The following PIGN variants were observed in gnomAD, a reference collection of about 807,000 sequenced individuals.
PIGN encodes the protein phosphatidylinositol glycan anchor biosynthesis class N.
Under a neutral mutation model 125.4 loss-of-function variants are expected in PIGN, and 117 were observed. The observed-to-expected ratio is 0.93, with a 90% CI of 0.80 to 1.09. The LOEUF (loss-of-function observed/expected upper bound fraction) is 1.09. Ranked by LOEUF, PIGN falls within the 50% of genes least tolerant of loss-of-function variation. PIGN has a pLI of 0.00. For missense variants in PIGN, 1,075 were observed against 1,094.9 expected, an observed-to-expected ratio of 0.98 and a Z score of 0.26; for synonymous variants, 392 against 377.8, an observed-to-expected ratio of 1.04 and a Z score of -0.44.
At chr18:62,106,749 T>C (rs1169611303) in intron 19 of PIGN, 40 bp downstream of exon 19, 15 of 1,291,550 alleles carry the variant, frequency 1.2e-5, no homozygotes, top group Middle Eastern at 3.7e-4. Context: ...CAAAACAAAG[T>C]AGTTACTAAT....
At chr18:62,023,196 C>T (rs1411970915) in intron 23 of PIGN, among the ~76,000 whole-genome samples, 1 of 152,082 alleles carries the variant, frequency 6.6e-6, no homozygotes, top group Non-Finnish European at 1.5e-5. Context: ...TTTCATCACC[C>T]CTAAAAGAAA....
chr18:62,156,976 AT>A (rs2036759683), intron 6 of PIGN, among the ~76,000 whole-genome samples, 152 bp downstream of exon 6: 1 of 151,918 alleles, frequency 6.6e-6, no homozygotes, highest in African/African-American at 2.4e-5. Context: ...GGAAAAAAAA[AT>A]ACTGTAATTA....
intron 30 of PIGN, among the ~76,000 whole-genome samples, chr18:62,049,099 T>A (rs1281552950): frequency 6.6e-6 from 1 of 151,506 alleles, no homozygotes; most frequent in Non-Finnish European, 1.5e-5. Context: ...ATCCAGTCTA[T>A]CATTGTTGGA....
intron 25 of PIGN, 31 bp downstream of exon 25, chr18:62,088,725 C>A (rs2033823777): frequency 2.4e-6 from 3 of 1,236,676 alleles, no homozygotes; most frequent in Non-Finnish European, 3.5e-6. Context: ...GGAGTTGCAG[C>A]TCTTTAAACC....
At chr18:62,162,659 A>G (rs2036997535) in intron 2 of PIGN, 1 of 152,162 alleles carries the variant, frequency 6.6e-6, no homozygotes, top group African/African-American at 2.4e-5. Flanking sequence ...GATATTCTAC[A>G]AAGTACAAAA....
At chr18:62,081,912 G>A (rs545464687) in intron 28 of PIGN, among the ~76,000 whole-genome samples, 1 of 152,164 alleles carries the variant, frequency 6.6e-6, no homozygotes, top group East Asian at 1.9e-4. Flanking sequence ...GCTAAACCCA[G>A]TTCTAGCTTA....
At chr18:62,144,439 C>T (rs908843358) in intron 10 of PIGN, among the ~76,000 whole-genome samples, 1 of 152,266 alleles carries the variant, frequency 6.6e-6, no homozygotes, top group Admixed American at 6.5e-5. Flanking sequence ...CTCTTGTTTA[C>T]CTCTCCAACT....
chr18:62,076,308 A>G (rs1025157092), intron 28 of PIGN, among the ~76,000 whole-genome samples: 2 of 152,214 alleles, frequency 1.3e-5, no homozygotes, highest in East Asian at 1.9e-4. Flanking sequence ...TGCCATCTGT[A>G]TATCTTCTTC....
At chr18:62,140,308 C>A in intron 12 of PIGN, 112 bp downstream of exon 12, 1 of 505,514 alleles carries the variant, frequency 2.0e-6, no homozygotes, top group Non-Finnish European at 3.6e-6. Flanking sequence ...ATAGCAAGAC[C>A]CCATCTAAAA....
chr18:62,157,204 ACT>A lies in PIGN; in HGVS notation c.365_366del (p.Glu122ValfsTer2). ...TTACTTTCATTAAAAAGAGAATCAA[ACT>A]CTACAGGATTTTCCTTCCATCCTTC... ...VAKGWKENPVEFDSLFNESKY... is the reference protein window; with the variant it reads ...VAKGWKENPVXFDSLFNESKY... On this transcript the variant is annotated frameshift_variant, in exon 6 of 31. Coordinates refer to ENST00000640252, the MANE Select transcript of PIGN (RefSeq NM_176787.5). LOFTEE classifies it high-confidence loss of function. The A allele has an allele frequency of 6.2e-7, 1 of 1,605,642 alleles. No homozygotes were observed. The highest frequency in any genetic ancestry group is 8.5e-7 in the Non-Finnish European group (1 of 1,174,366).
At chr18:62,077,336 G>C (rs1427721416) in intron 28 of PIGN, among the ~76,000 whole-genome samples, 2 of 152,124 alleles carry the variant, frequency 1.3e-5, no homozygotes, top group Admixed American at 6.5e-5. Flanking sequence ...TCACACCACT[G>C]CACTCCAGCC....
chr18:62,064,332 C>T (rs1197607040), intron 30 of PIGN, among the ~76,000 whole-genome samples: 1 of 152,154 alleles, frequency 6.6e-6, no homozygotes, highest in Non-Finnish European at 1.5e-5. Flanking sequence ...ATGTCCCATA[C>T]CAGTTATACA....
At chr18:62,073,968 C>A (rs2033034359) in intron 29 of PIGN, among the ~76,000 whole-genome samples, 1 of 152,130 alleles carries the variant, frequency 6.6e-6, no homozygotes, top group Non-Finnish European at 1.5e-5. Context: ...CAGCTGTATC[C>A]CCAGAAGGGA....
At chr18:62,056,204 A>C (rs558533446) in intron 30 of PIGN, among the ~76,000 whole-genome samples, 4 of 151,658 alleles carry the variant, frequency 2.6e-5, no homozygotes, top group Non-Finnish European at 5.9e-5. Context: ...TACAAAACTA[A>C]AGTAAAACTC....
intron 23 of PIGN, among the ~76,000 whole-genome samples, chr18:62,028,747 T>C (rs760470414): frequency 1.3e-5 from 2 of 152,260 alleles, no homozygotes; most frequent in Non-Finnish European, 2.9e-5. Context: ...AGTTCTGTTT[T>C]CTTAGCTTCT....
At chr18:62,159,145 G>A (rs560301855) in intron 4 of PIGN, among the ~76,000 whole-genome samples, 103 of 152,290 alleles carry the variant, frequency 6.8e-4, no homozygotes, top group Middle Eastern at 3.4e-3. Context: ...TCAGGAGGCT[G>A]AGGCAGGAGA....
At position 62,101,191 on chromosome 18, in the gene PIGN, C is replaced by T. The variant is rs1464043690; in HGVS notation, c.1969-8G>A. On this transcript the variant is annotated splice_polypyrimidine_tract_variant and splice_region_variant and intron_variant, in intron 21 of 30. Coordinates refer to ENST00000640252, the MANE Select transcript of PIGN (RefSeq NM_176787.5). ...GAGCACTGTGCTCAGCACCTAAAGA[C>T]AAAGATGAAATAGGTTAAAAAAAGA... 3.3e-6 allele frequency: 5 copies of T among 1,497,350 alleles called. No individual in the cohort carries two copies. Among genetic ancestry groups the T allele is most frequent in the Non-Finnish European group, 4.6e-6 (5 of 1,078,834 alleles). 92.8% of individuals were successfully genotyped at this position (1,497,350 alleles called of 1,614,324 possible).
At chr18:62,054,406 G>A (rs568241925) in intron 30 of PIGN, among the ~76,000 whole-genome samples, 1 of 148,762 alleles carries the variant, frequency 6.7e-6, no homozygotes, top group East Asian at 1.9e-4. Context: ...GAAGGGCCCT[G>A]TTAAGAGGGT....
intron 10 of PIGN, among the ~76,000 whole-genome samples, chr18:62,144,524 G>A (rs1289776008): frequency 1.3e-5 from 2 of 152,162 alleles, no homozygotes; most frequent in Non-Finnish European, 2.9e-5. Context: ...CCTCAAACAA[G>A]CTACGCTCTT....
Sources: gnomAD v4.1 joint callset for allele counts (sites outside exome capture counted in the v4.1 genomes callset) on GRCh38, gnomAD v4.1.1 for gene constraint, MANE v1.5 for transcripts, NCBI Gene and HGNC (gene_info 2026-07-23, HGNC 2026-07-21) for gene names.